The following HUWE1 variants were observed in gnomAD, a reference collection of about 807,000 sequenced individuals.
HUWE1 encodes E3 ubiquitin-protein ligase HUWE1.
A neutral mutation model predicts 299.4 loss-of-function variants in HUWE1; 18 were observed. The ratio of observed to expected loss-of-function variants is 0.06; its 90% CI spans 0.04 to 0.09. HUWE1 has a LOEUF of 0.09. Among genes scored for constraint, HUWE1 ranks in the 10% least tolerant of loss-of-function variants. The pLI, the probability that HUWE1 is intolerant of heterozygous loss-of-function variation, is 1.00. For synonymous variants in HUWE1, 1,317 were observed against 1,286.1 expected (o/e 1.02, Z -0.51); for missense variants, 1,832 against 3,462.3 (o/e 0.53, Z 11.82).
chrX:53,600,341 A>G (rs782000681), intron 28 of HUWE1, 32 bp from the exon 29 acceptor site: 3 of 1,054,319 alleles, frequency 2.8e-6, no homozygotes. Flanking sequence ...GCAATAGGAC[A>G]ATGTAGAGCC....
At position 53,560,276 on chromosome X, in the gene HUWE1, G is replaced by C. The variant is rs1556939716; in HGVS notation, c.7648C>G (p.Leu2550Val). The C allele has an allele frequency of 1.7e-6, 2 of 1,211,193 alleles. No individual in the cohort carries two copies. Among genetic ancestry groups the C allele is most frequent in the Non-Finnish European group, 2.2e-6 (2 of 895,287 alleles). Residue 2550 changes from leucine to valine, a missense_variant, in exon 56 of 84, where the codon CTA (leucine) becomes GTA (valine). Leu to Val is a conservative substitution (Grantham distance 32). This residue lies in a region of HUWE1 where 170 missense variants were observed against 335.8 expected (regional missense o/e 0.51). Transcript: ENST00000262854. ...TQGIGRSQRTLRQLTANTGHT... is the reference protein window; with the variant it reads ...TQGIGRSQRTVRQLTANTGHT... ...CCAGTATTGGCCGTCAGCTGCCTTAGGGTCCTCTGACTGCGCCCGATGCCC... is the reference window on the plus strand; with the variant it reads ...CCAGTATTGGCCGTCAGCTGCCTTACGGTCCTCTGACTGCGCCCGATGCCC...
intron 68 of HUWE1, among the ~76,000 whole-genome samples, 167 bp from the exon 69 acceptor site, chrX:53,546,992 AG>A (rs1556923571): frequency 8.9e-6 from 1 of 112,102 alleles, no homozygotes; most frequent in East Asian, 2.8e-4. Context: ...GGGATGATAA[AG>A]GCTTTTTATT....
intron 3 of HUWE1, among the ~76,000 whole-genome samples, chrX:53,654,576 T>A: frequency 9.0e-6 from 1 of 111,509 alleles, no homozygotes; most frequent in Non-Finnish European, 1.9e-5. Flanking sequence ...TGCATGACCA[T>A]GTATAATAGT....
In HUWE1 at chrX:53,672,264, CTT is replaced by C. The variant is rs374683676; in HGVS notation, c.-25+7783_-25+7784del. 1.2e-4 allele frequency among the ~76,000 whole-genome samples: 12 copies of C among 96,707 alleles called. No homozygotes were observed. In the East Asian group the frequency reaches 1.3e-3, roughly 10 times the overall value. 84.0% of individuals were successfully genotyped at this position (96,707 alleles called of 115,157 possible). On this transcript the variant is annotated intron_variant, in intron 3 of 83. Coordinates refer to ENST00000262854, the MANE Select transcript of HUWE1 (RefSeq NM_031407.7). ...TATTGTGGTTTTGTAGATGTCCTTA[CTT>C]TTTTTTTTTTTTTTGAGACAGAGTC...
At chrX:53,644,102 G>C (rs782160260) in intron 7 of HUWE1, among the ~76,000 whole-genome samples, 1 of 112,489 alleles carries the variant, frequency 8.9e-6, no homozygotes, top group Non-Finnish European at 1.9e-5. Context: ...AGTAATAACA[G>C]GCATAAGCCA....
chrX:53,577,060 A>T lies in HUWE1; in HGVS notation c.5724T>A (p.Asp1908Glu). 1 of 1,204,871 alleles carries T rather than the reference A, an allele frequency of 8.3e-7. No individual in the cohort carries two copies. The highest frequency in any genetic ancestry group is 1.1e-6 in the Non-Finnish European group (1 of 889,486). Residue 1908 changes from aspartate to glutamate, a missense_variant, in exon 44 of 84, where the codon GAT becomes GAA. Around this residue, in one of 15 missense-constraint regions of HUWE1, gnomAD observed 47 missense variants for 45.8 expected, o/e 1.03. Coordinates refer to ENST00000262854, the MANE Select transcript of HUWE1 (RefSeq NM_031407.7). The stretch of plus-strand genomic sequence containing the variant: ...TAATTCTAAGATTCTCAAATTCATC[A>T]TCTGAAGCTAAGCCAAAATGAGAGA... ...PAPRGSGTASDDEFENLRIKG... is the reference protein window; with the variant it reads ...PAPRGSGTASEDEFENLRIKG...
At chrX:53,563,564 C>T (rs1347923550) in intron 52 of HUWE1, among the ~76,000 whole-genome samples, 182 bp downstream of exon 52, 2 of 111,564 alleles carry the variant, frequency 1.8e-5, no homozygotes, top group African/African-American at 6.5e-5. Context: ...TTTAGACTGC[C>T]ACAGGCCTGT....
intron 7 of HUWE1, among the ~76,000 whole-genome samples, chrX:53,638,508 A>T (rs997141108): frequency 8.9e-6 from 1 of 112,194 alleles, no homozygotes. Context: ...ACTAGACAGG[A>T]TTTGCTAAAT....
chrX:53,630,851 T>C lies in HUWE1; in HGVS notation c.862+84A>G, dbSNP rs1437353066. Reference sequence around the variant, plus strand: ...ACCTAGGTAACTATAATAGGACTCATAGCAACAAAGATGAATGAAGTTCAA... The same window carrying C: ...ACCTAGGTAACTATAATAGGACTCACAGCAACAAAGATGAATGAAGTTCAA... On this transcript the variant is annotated intron_variant, in intron 12 of 83. Transcript: ENST00000262854. 1.4e-5 allele frequency: 8 copies of C among 585,367 alleles called. No homozygotes were observed. The East Asian group carries it at 2.0e-4, about 14-fold the overall frequency. The allele number at this position is 585,367 out of a possible 1,213,427, so 48.2% of individuals were successfully genotyped here.
chrX:53,686,102 A>G (rs1318306774), intron 2 of HUWE1, among the ~76,000 whole-genome samples, 168 bp downstream of exon 2: 1 of 112,614 alleles, frequency 8.9e-6, no homozygotes, highest in Non-Finnish European at 1.9e-5. Context: ...TACCATTTAG[A>G]TATCAAAACA....
At chrX:53,534,758 A>G in intron 81 of HUWE1, 61 bp from the exon 82 acceptor site, 1 of 1,040,043 alleles carries the variant, frequency 9.6e-7, no homozygotes, top group South Asian at 2.0e-5. Flanking sequence ...GAGGTCAGAG[A>G]TCCCCCATCT....
At position 53,617,057 on chromosome X, in the gene HUWE1, A is replaced by G. The variant is rs1557008080; in HGVS notation, c.1870T>C (p.Cys624Arg). 1 of 1,210,302 alleles carries G rather than the reference A, an allele frequency of 8.3e-7. No individual in the cohort carries two copies. Among genetic ancestry groups the G allele is most frequent in the Non-Finnish European group, 1.1e-6 (1 of 894,070 alleles). ...TTGAAGAGGCGTTCAAAAGGCTGAC[A>G]CTGAACAAAAGACTGAAGACCTCGG... is the stretch of plus-strand genomic sequence containing the variant. ...NARGLQSFVQ[C>R]QPFERLFKVL... Residue 624 changes from cysteine (C) to arginine (R), a missense_variant, in exon 21 of 84, where the codon TGT becomes CGT. By Grantham distance (180) the Cys-to-Arg change is radical. This residue lies in a region of HUWE1 where 658 missense variants were observed against 1,282.6 expected (regional missense o/e 0.51). Transcript: ENST00000262854.
rs376629402 is a variant in HUWE1 at position 53,538,884 on chromosome X, G to A, written c.11829C>T (p.His3943=). Residue 3943 remains histidine (H), a synonymous_variant, in exon 76 of 84, where the codon CAC becomes CAT. Coordinates refer to ENST00000262854, the MANE Select transcript of HUWE1 (RefSeq NM_031407.7). ...TGTCAGGGGGCAGGCTTGAGGAGAT[G>A]TGCATAGATGAGGGCTCCCGGGAGA... ...PFFSREPSSM[H]ISSSLPPDTQ... 1.7e-6 allele frequency: 2 copies of A among 1,203,963 alleles called. No homozygotes were observed. The highest frequency in any genetic ancestry group is 1.8e-5 in the South Asian group (1 of 55,931).
chrX:53,564,977 G>C, intron 50 of HUWE1, 90 bp downstream of exon 50: 1 of 1,008,964 alleles, frequency 9.9e-7, no homozygotes, highest in Non-Finnish European at 1.4e-6. Flanking sequence ...CAAGTTCCCA[G>C]GGAAACACCA....
At chrX:53,684,927 A>G (rs1240849366) in intron 2 of HUWE1, among the ~76,000 whole-genome samples, 2 of 112,233 alleles carry the variant, frequency 1.8e-5, no homozygotes, top group Non-Finnish European at 3.8e-5. Flanking sequence ...AAAAAGATCC[A>G]ATAAAGTGGT....
chrX:53,542,015 A>G (rs1180958349), intron 74 of HUWE1, among the ~76,000 whole-genome samples: 1 of 111,406 alleles, frequency 9.0e-6, no homozygotes, highest in Non-Finnish European at 1.9e-5. Context: ...ACTCGTCTCT[A>G]CTAAAAAAAA....
chrX:53,600,530 T>C (rs1245128822), intron 28 of HUWE1, among the ~76,000 whole-genome samples: 2 of 112,462 alleles, frequency 1.8e-5, no homozygotes, highest in Non-Finnish European at 3.8e-5. Context: ...AGCATATGAA[T>C]AGTATTAACC....
chrX:53,672,983 T>C (rs960835071), intron 3 of HUWE1, among the ~76,000 whole-genome samples: 5 of 111,817 alleles, frequency 4.5e-5, no homozygotes, highest in Non-Finnish European at 7.5e-5. Flanking sequence ...GTCATGAAGA[T>C]TACTTAAAAA....
intron 25 of HUWE1, among the ~76,000 whole-genome samples, chrX:53,605,080 G>A (rs2065078380): frequency 8.9e-6 from 1 of 112,043 alleles, no homozygotes; most frequent in East Asian, 2.8e-4. Flanking sequence ...AAAAGCTTAT[G>A]ATGGTCAAAC....
Sources: allele counts gnomAD v4.1 joint callset (sites outside exome capture counted in the v4.1 genomes callset), GRCh38; gene constraint gnomAD v4.1.1; regional missense constraint gnomAD v4.1.1; transcripts MANE v1.5; gene names NCBI Gene and HGNC (gene_info 2026-07-23, HGNC 2026-07-21).